The following PLEKHA8 variants were observed in gnomAD, a reference collection of about 807,000 sequenced individuals.
PLEKHA8 encodes the protein pleckstrin homology domain containing A8, also known as pleckstrin homology domain-containing family A member 8.
PLEKHA8 carries 36 observed loss-of-function variants against 68.2 expected under a neutral mutation model. The observed-to-expected ratio is 0.53, with a 90% CI of 0.40 to 0.70. PLEKHA8 has a LOEUF of 0.70. Ranked by LOEUF, PLEKHA8 falls within the 30% of genes least tolerant of loss-of-function variation. The probability of loss-of-function intolerance (pLI) is 0.00; values close to 1 mark genes in which losing one functional copy is unlikely to be tolerated. For synonymous variants in PLEKHA8, 211 were observed against 216.1 expected, an observed-to-expected ratio of 0.98 and a Z score of 0.20; for missense variants, 505 against 615.4, an observed-to-expected ratio of 0.82 and a Z score of 1.90.
At chr7:30,109,551 G>GCAC (rs1266390288) in intron 13 of PLEKHA8, among the ~76,000 whole-genome samples, 1 of 115,332 alleles carries the variant, frequency 8.7e-6, no homozygotes, top group African/African-American at 3.3e-5. Context: ...TCGCGCCATT[G>GCAC]CACTCCAGCC....
intron 13 of PLEKHA8, among the ~76,000 whole-genome samples, chr7:30,098,873 T>A (rs945680366): frequency 6.6e-6 from 1 of 152,166 alleles, no homozygotes; most frequent in African/African-American, 2.4e-5. Context: ...GGTACCTCAG[T>A]TGGAAATGCA....
intron 13 of PLEKHA8, among the ~76,000 whole-genome samples, chr7:30,096,640 G>A (rs1173052637): frequency 2.6e-5 from 4 of 152,144 alleles, no homozygotes; most frequent in Admixed American, 2.6e-4. Context: ...TCTGAGACTA[G>A]GATTGCAACC....
intron 13 of PLEKHA8, among the ~76,000 whole-genome samples, chr7:30,118,885 C>T (rs896303825): frequency 2.6e-5 from 4 of 152,236 alleles, no homozygotes; most frequent in Middle Eastern, 3.2e-3. Context: ...GGCATCAATG[C>T]CTAAGTTACG....
rs762974238 is a variant in PLEKHA8, at chr7:30,054,799, C to T, written c.887C>T (p.Ser296Phe). 4 of 1,612,122 alleles carry T rather than the reference C, an allele frequency of 2.5e-6. No homozygotes were observed. Among genetic ancestry groups the T allele is most frequent in the Non-Finnish European group, 3.4e-6 (4 of 1,178,742 alleles). ...LTQSGSDSSC[S>F]PECLWEEGKE... ...CAGTCTGGATCAGACTCAAGTTGCT[C>T]TCCGGAATGCCTCTGGGAGGAAGGC... Residue 296 changes from serine (S) to phenylalanine (F), a missense_variant, in exon 8 of 14, where the codon TCT (serine) becomes TTT (phenylalanine). Coordinates refer to ENST00000449726, the MANE Select transcript of PLEKHA8 (RefSeq NM_001197026.2).
intron 5 of PLEKHA8, 152 bp downstream of exon 5, chr7:30,049,534 C>T (rs145369503): frequency 1.7e-4 from 157 of 937,738 alleles, no homozygotes; most frequent in Non-Finnish European, 2.1e-4. Flanking sequence ...CTGTCCTCAG[C>T]ACCCCATATC....
chr7:30,126,014 G>A (rs1157236191), intron 13 of PLEKHA8, among the ~76,000 whole-genome samples: 1 of 151,704 alleles, frequency 6.6e-6, no homozygotes, highest in Non-Finnish European at 1.5e-5. Context: ...CCCCTCATCT[G>A]ACCTGTCACA....
chr7:30,055,436 A>G, intron 9 of PLEKHA8, 94 bp downstream of exon 9: 2 of 1,074,032 alleles, frequency 1.9e-6, no homozygotes, highest in South Asian at 1.3e-5. Context: ...CTATGTGTAC[A>G]GTGAGATGAC....
intron 1 of PLEKHA8, among the ~76,000 whole-genome samples, chr7:30,030,505 C>G (rs1429363430): frequency 3.9e-5 from 6 of 152,270 alleles, no homozygotes; most frequent in African/African-American, 1.4e-4. Flanking sequence ...AAAGAGTCTA[C>G]TTTTTTCTTC....
chr7:30,039,440 G>A (rs1272683874), intron 1 of PLEKHA8, among the ~76,000 whole-genome samples: 2 of 152,168 alleles, frequency 1.3e-5, no homozygotes, highest in African/African-American at 4.8e-5. Context: ...GCTTGAACTC[G>A]GGAGGCGGAG....
rs1344082135 is a variant in PLEKHA8 at position 30,050,453 on chromosome 7, C to G, written c.617C>G (p.Pro206Arg). The change falls in exon 6 of 14, where the codon CCA becomes CGA. Residue 206 changes from proline (P) to arginine (R), a missense_variant. Coordinates refer to ENST00000449726, the MANE Select transcript of PLEKHA8 (RefSeq NM_001197026.2). The stretch of plus-strand genomic sequence containing the variant: ...TTAAAGATGAAACATCCTATTATAC[C>G]AATTCATAATTCATTGGAAAGGTAC... Reference protein sequence around the residue: ...KSSKMKHPIIPIHNSLERQME... With the variant: ...KSSKMKHPIIRIHNSLERQME... The G allele has an allele frequency of 3.2e-6, 5 of 1,572,360 alleles. No homozygotes were observed. In the South Asian group the frequency reaches 6.0e-5, roughly 19 times the overall value.
At position 30,116,070 on chromosome 7, in the gene PLEKHA8, A is replaced by G. The variant is rs572051777; in HGVS notation, c.1363-13196A>G. 1.3e-4 allele frequency: 19 copies of G among 146,280 alleles called. 1 individual carries two copies. In the East Asian group the frequency reaches 1.6e-3, roughly 12 times the overall value. The allele number at this position is 146,280 out of a possible 1,614,324, so 9.1% of individuals were successfully genotyped here. On this transcript the variant is annotated intron_variant, in intron 13 of 13. Coordinates refer to the PLEKHA8 transcript ENST00000396257. Reference sequence around the variant, plus strand: ...CGCATACATACGTATGCATACGTATACATGTATACATACGCATACATACGT... The same window carrying G: ...CGCATACATACGTATGCATACGTATGCATGTATACATACGCATACATACGT...
chr7:30,082,411 C>T lies in PLEKHA8; in HGVS notation c.*3624C>T, dbSNP rs543255248. The stretch of plus-strand genomic sequence containing the variant: ...CTGGCACCACCTTAGCCCAGGGCTG[C>T]GTGCCTGATCAGTGGGGATTCTGTT... On this transcript the variant is annotated 3_prime_UTR_variant, in exon 14 of 14. Coordinates refer to ENST00000449726, the MANE Select transcript of PLEKHA8 (RefSeq NM_001197026.2). 3.6e-5 allele frequency: 35 copies of T among 985,364 alleles called. No individual in the cohort carries two copies. Among genetic ancestry groups the T allele is most frequent in the African/African-American group, 5.2e-5 (3 of 57,336 alleles). 61.0% of individuals were successfully genotyped at this position (985,364 alleles called of 1,614,324 possible).
At chr7:30,100,144 T>C (rs1432051674) in intron 13 of PLEKHA8, among the ~76,000 whole-genome samples, 6 of 152,226 alleles carry the variant, frequency 3.9e-5, no homozygotes, top group Non-Finnish European at 7.3e-5. Flanking sequence ...AGGAGACCTG[T>C]CATTGGATTT....
intron 13 of PLEKHA8, among the ~76,000 whole-genome samples, chr7:30,119,658 G>T (rs1796663264): frequency 6.6e-6 from 1 of 152,208 alleles, no homozygotes; most frequent in Non-Finnish European, 1.5e-5. Flanking sequence ...CCTTTGGAGA[G>T]GTTTCTGCCA....
chr7:30,055,238 A>G lies in PLEKHA8; in HGVS notation c.954-19A>G, dbSNP rs116386701. The G allele has an allele frequency of 3.0e-4, 478 of 1,608,360 alleles. 1 individual carries two copies. In the African/African-American group the frequency reaches 5.6e-3, roughly 19 times the overall value. ...CTGTATTTTCAATCTTTTCTCCTCCATATCACCAAATTATGTAGCTTTAGT... is the reference window on the plus strand; with the variant it reads ...CTGTATTTTCAATCTTTTCTCCTCCGTATCACCAAATTATGTAGCTTTAGT... On this transcript the variant is annotated intron_variant, in intron 8 of 13. Transcript: ENST00000449726.
At chr7:30,104,242 T>C (rs895943337) in intron 13 of PLEKHA8, among the ~76,000 whole-genome samples, 1 of 152,118 alleles carries the variant, frequency 6.6e-6, no homozygotes, top group African/African-American at 2.4e-5. Flanking sequence ...CTAGTTGGAG[T>C]CTTAAATGGT....
intron 9 of PLEKHA8, 88 bp from the exon 10 acceptor site, chr7:30,060,796 A>G: frequency 2.0e-6 from 2 of 1,023,540 alleles, no homozygotes; most frequent in South Asian, 1.4e-5. Flanking sequence ...GTTGTTGGGG[A>G]TCTGCTAAAT....
chr7:30,066,533 T>A (rs1793858707), intron 12 of PLEKHA8, among the ~76,000 whole-genome samples: 2 of 152,214 alleles, frequency 1.3e-5, no homozygotes, highest in South Asian at 4.1e-4. Flanking sequence ...TGTCCTAACA[T>A]TCTTTAGAGG....
rs991584219 is a variant in PLEKHA8 at position 30,084,089 on chromosome 7, G to C, written c.*5302G>C. The C allele has an allele frequency of 1.7e-5, 17 of 985,262 alleles. No individual in the cohort carries two copies. The highest frequency in any genetic ancestry group is 2.0e-5 in the Non-Finnish European group (17 of 829,912). 61.0% of individuals were successfully genotyped at this position (985,262 alleles called of 1,614,324 possible). A position where few individuals can be genotyped will look rare whatever the true frequency, so the allele number is the denominator to read the frequency against. On this transcript the variant is annotated 3_prime_UTR_variant, in exon 14 of 14. Coordinates refer to ENST00000449726, the MANE Select transcript of PLEKHA8 (RefSeq NM_001197026.2). ...ACTACCTCATGTGAAATTGGCTGTG[G>C]ACAATCTGTGTCAGATGAGAAATGT...
Sources: allele counts gnomAD v4.1 joint callset (sites outside exome capture counted in the v4.1 genomes callset), GRCh38; gene constraint gnomAD v4.1.1; transcripts MANE v1.5; gene names NCBI Gene and HGNC (gene_info 2026-07-23, HGNC 2026-07-21).